Variants in ADGRL3 observed in about 807,000 individuals in gnomAD.
ADGRL3 encodes the protein calcium-independent alpha-latrotoxin receptor 3.
A neutral mutation model predicts 153.5 loss-of-function variants in ADGRL3; 62 were observed. The observed-to-expected ratio is 0.40, with a 90% CI of 0.33 to 0.50. The LOEUF (loss-of-function observed/expected upper bound fraction) is 0.50. Ranked by LOEUF, ADGRL3 falls within the 20% of genes least tolerant of loss-of-function variation. The pLI, the probability that ADGRL3 is intolerant of heterozygous loss-of-function variation, is 0.47. For synonymous variants in ADGRL3, 710 were observed against 672.5 expected, an observed-to-expected ratio of 1.06 and a Z score of -0.86; for missense variants, 1,641 against 1,859.4, an observed-to-expected ratio of 0.88 and a Z score of 2.16.
intron 9 of ADGRL3, among the ~76,000 whole-genome samples, chr4:61,834,968 C>G (rs770124282): frequency 1.2e-4 from 18 of 152,132 alleles, no homozygotes; most frequent in Non-Finnish European, 2.6e-4. Flanking sequence ...TGGCCAAGAG[C>G]ATGATTCTCT....
intron 5 of ADGRL3, among the ~76,000 whole-genome samples, chr4:61,596,745 C>T (rs2098990683): frequency 6.6e-6 from 1 of 152,056 alleles, no homozygotes. Context: ...GTGGCCACAG[C>T]TACTTGGGAG....
At chr4:62,017,404 A>G (rs1035133209) in intron 21 of ADGRL3, among the ~76,000 whole-genome samples, 2 of 151,764 alleles carry the variant, frequency 1.3e-5, no homozygotes, top group Non-Finnish European at 2.9e-5. Context: ...GAAAAATACT[A>G]AAGTTCATAA....
intron 4 of ADGRL3, among the ~76,000 whole-genome samples, chr4:61,580,442 T>G (rs2149271084): frequency 6.6e-6 from 1 of 152,250 alleles, no homozygotes; most frequent in South Asian, 2.1e-4. Flanking sequence ...TTCTTTCATT[T>G]ATTTGGTAAT....
In ADGRL3 at chr4:61,400,865, G is replaced by A. The variant is rs147976931; in HGVS notation, c.-174+17676G>A. Among the ~76,000 whole-genome samples the A allele has an allele frequency of 1.8e-3, 267 of 148,850 alleles. 2 individuals are homozygous for A. Among genetic ancestry groups the A allele is most frequent in the African/African-American group, 6.3e-3 (258 of 40,634 alleles). ...TGCTCCCTTGTCCTTAATTATATTTGCTTAATGGTATGTCACGTGCTTGTG... is the reference window on the plus strand; with the variant it reads ...TGCTCCCTTGTCCTTAATTATATTTACTTAATGGTATGTCACGTGCTTGTG... On this transcript the variant is annotated intron_variant, in intron 2 of 26. Transcript: ENST00000683033.
chr4:61,212,692 C>T (rs1740668107), intron 1 of ADGRL3, among the ~76,000 whole-genome samples: 1 of 151,954 alleles, frequency 6.6e-6, no homozygotes, highest in Non-Finnish European at 1.5e-5. Flanking sequence ...AGTACCAACT[C>T]AATATAAGTA....
intron 6 of ADGRL3, among the ~76,000 whole-genome samples, chr4:61,723,715 C>T (rs1016734209): frequency 3.9e-5 from 6 of 152,048 alleles, no homozygotes; most frequent in African/African-American, 1.4e-4. Flanking sequence ...GGGAGGGAAC[C>T]GCCATGTTGG....
At chr4:61,722,625 T>C (rs965823612) in intron 6 of ADGRL3, among the ~76,000 whole-genome samples, 1 of 152,134 alleles carries the variant, frequency 6.6e-6, no homozygotes, top group African/African-American at 2.4e-5. Flanking sequence ...AAAAATAAAA[T>C]TAATTGTAGA....
chr4:61,333,104 T>G (rs73825117), intron 1 of ADGRL3, among the ~76,000 whole-genome samples: 4,927 of 152,140 alleles, frequency 0.032, 159 homozygotes, highest in African/African-American at 0.08. Flanking sequence ...ATTTTTTGAG[T>G]TTAAGTTATA....
intron 11 of ADGRL3, among the ~76,000 whole-genome samples, chr4:61,908,303 A>AT (rs1458402564): frequency 6.6e-6 from 1 of 152,134 alleles, no homozygotes; most frequent in Non-Finnish European, 1.5e-5. Flanking sequence ...AGAAAAAAAA[A>AT]GAAAAGAAAA....
At chr4:62,006,286 T>A (rs2099158869) in intron 21 of ADGRL3, among the ~76,000 whole-genome samples, 1 of 151,820 alleles carries the variant, frequency 6.6e-6, no homozygotes, top group African/African-American at 2.4e-5. Flanking sequence ...TCAGCCCGCT[T>A]TGGCCTCCCA....
intron 6 of ADGRL3, among the ~76,000 whole-genome samples, chr4:61,688,913 C>A (rs911657383): frequency 6.6e-6 from 1 of 152,172 alleles, no homozygotes; most frequent in Non-Finnish European, 1.5e-5. Flanking sequence ...TCTTTAACCC[C>A]AGGTGATAGC....
chr4:61,592,039 C>T (rs565590458), intron 5 of ADGRL3, among the ~76,000 whole-genome samples: 7 of 146,812 alleles, frequency 4.8e-5, no homozygotes, highest in East Asian at 2.0e-4. Context: ...ATCATAAAAC[C>T]GCACTTAGCC....
chr4:61,222,771 AAC>A (rs1007432426), intron 1 of ADGRL3, among the ~76,000 whole-genome samples: 3 of 152,192 alleles, frequency 2.0e-5, no homozygotes, highest in African/African-American at 7.2e-5. Context: ...TTCCTCTTGA[AAC>A]AATACCAACA....
intron 1 of ADGRL3, among the ~76,000 whole-genome samples, chr4:61,257,675 G>A (rs2092105540): frequency 1.3e-5 from 2 of 152,092 alleles, no homozygotes; most frequent in Admixed American, 1.3e-4. Flanking sequence ...GATGTGTTTT[G>A]GTAGATATGA....
At chr4:61,711,490 A>ATATATATATATATATATATC (rs2095988785) in intron 6 of ADGRL3, among the ~76,000 whole-genome samples, 1 of 115,384 alleles carries the variant, frequency 8.7e-6, no homozygotes, top group Non-Finnish European at 1.8e-5. Flanking sequence ...ATATATATAT[A>ATATATATATATATATATATC]TACACACACA....
chr4:62,062,844 A>G (rs2151874359), intron 25 of ADGRL3, among the ~76,000 whole-genome samples: 1 of 152,242 alleles, frequency 6.6e-6, no homozygotes, highest in Non-Finnish European at 1.5e-5. Context: ...ATATTTAAAA[A>G]TAGCATCTAT....
chr4:61,690,663 G>C (rs1315594798), intron 6 of ADGRL3, among the ~76,000 whole-genome samples: 1 of 151,992 alleles, frequency 6.6e-6, no homozygotes, highest in African/African-American at 2.4e-5. Flanking sequence ...ATTCACTTTT[G>C]CTGGAGAGGA....
At chr4:61,536,598 A>G (rs2098657849) in intron 4 of ADGRL3, among the ~76,000 whole-genome samples, 1 of 151,994 alleles carries the variant, frequency 6.6e-6, no homozygotes, top group African/African-American at 2.4e-5. Context: ...TAGGATAGGT[A>G]AATCTTCTTG....
chr4:61,616,394 A>T (rs1466639398), intron 5 of ADGRL3, among the ~76,000 whole-genome samples: 1 of 152,148 alleles, frequency 6.6e-6, no homozygotes, highest in Non-Finnish European at 1.5e-5. Context: ...GGAAAAAACA[A>T]TTTCATTACT....
Sources: allele counts gnomAD v4.1 joint callset (sites outside exome capture counted in the v4.1 genomes callset), GRCh38; gene constraint gnomAD v4.1.1; transcripts MANE v1.5; gene names NCBI Gene and HGNC (gene_info 2026-07-23, HGNC 2026-07-21).